Variants in KCNQ1OT1 observed in about 807,000 individuals in gnomAD.
The protein encoded by KCNQ1OT1 is KCNQ1 antisense RNA 2 (non-protein coding).
At position 2,658,892 on chromosome 11, in the gene KCNQ1OT1, G is replaced by C; in HGVS notation, n.41103C>G. 1 of 398,098 alleles carries C rather than the reference G, an allele frequency of 2.5e-6. No individual in the cohort carries two copies. The allele number at this position is 398,098 out of a possible 1,614,324, so 24.7% of individuals were successfully genotyped here. On this transcript the variant is annotated non_coding_transcript_exon_variant, in exon 1 of 1. Coordinates refer to ENST00000597346, the Ensembl canonical transcript of KCNQ1OT1. The surrounding 1 kb of genome is among the most constrained non-coding windows in gnomAD (Gnocchi z 4.9). ...ATTTACTTATTTGTGTAACCCTATTGTACACGTAGTACCCTATGTGAAGCA... is the reference window on the plus strand; with the variant it reads ...ATTTACTTATTTGTGTAACCCTATTCTACACGTAGTACCCTATGTGAAGCA...
chr11:2,616,550 C>G (rs1181949565), exon 1 of KCNQ1OT1: 3 of 397,940 alleles, frequency 7.5e-6, no homozygotes, highest in Non-Finnish European at 1.3e-5. Flanking sequence ...CTGAGCACTT[C>G]TTTCACTACA....
In KCNQ1OT1 at chr11:2,612,851, T is replaced by G; in HGVS notation, n.87144A>C. The G allele has an allele frequency of 2.5e-6, 1 of 398,622 alleles. No individual in the cohort carries two copies. Among genetic ancestry groups the G allele is most frequent in the Non-Finnish European group, 4.4e-6 (1 of 226,058 alleles). The allele number at this position is 398,622 out of a possible 1,614,324, so 24.7% of individuals were successfully genotyped here. On this transcript the variant is annotated non_coding_transcript_exon_variant, in exon 1 of 1. Transcript: ENST00000597346. The surrounding 1 kb of genome is among the most constrained non-coding windows in gnomAD (Gnocchi z 5.5). ...ACTTTAGATAATATATCGTAGAAACTCTGGATTCTAGTTCTTCTCCCTAAC... is the reference window on the plus strand; with the variant it reads ...ACTTTAGATAATATATCGTAGAAACGCTGGATTCTAGTTCTTCTCCCTAAC...
At chr11:2,680,109 C>T in exon 1 of KCNQ1OT1, 1 of 395,172 alleles carries the variant, frequency 2.5e-6, no homozygotes, top group Non-Finnish European at 4.4e-6. Context: ...CCAGGCTGGT[C>T]TCAAACTCCT....
rs1850330062 is a variant in KCNQ1OT1, at chr11:2,678,406, T to C, written n.21589A>G. 5.0e-6 allele frequency: 2 copies of C among 398,516 alleles called. No individual in the cohort carries two copies. Among genetic ancestry groups the C allele is most frequent in the Admixed American group, 4.4e-5 (1 of 22,726 alleles). 24.7% of individuals were successfully genotyped at this position (398,516 alleles called of 1,614,324 possible). ...GGTTTCCCATATATTTGTCCAGTTG[T>C]CCAACACTATTTATTTGAGTACATC... On this transcript the variant is annotated non_coding_transcript_exon_variant, in exon 1 of 1. Coordinates refer to ENST00000597346, the Ensembl canonical transcript of KCNQ1OT1. This position sits in a 1 kb window ranked among gnomAD's most constrained non-coding sequence, Gnocchi z 4.9.
rs1849618152 is a variant in KCNQ1OT1 at position 2,643,814 on chromosome 11, G to A, written n.56181C>T. The A allele has an allele frequency of 1.3e-5, 5 of 398,502 alleles. No individual in the cohort carries two copies. In the East Asian group the frequency reaches 1.8e-4, roughly 14 times the overall value. 24.7% of individuals were successfully genotyped at this position (398,502 alleles called of 1,614,324 possible). The stretch of plus-strand genomic sequence containing the variant: ...TAATTCCCTGAGCTTTTACTTTTAA[G>A]GGAAATACTTTATTTCTCCTTCATT... On this transcript the variant is annotated non_coding_transcript_exon_variant, in exon 1 of 1. Transcript: ENST00000597346.
At chr11:2,694,191 C>T in exon 1 of KCNQ1OT1, 1 of 398,676 alleles carries the variant, frequency 2.5e-6, no homozygotes. Context: ...GGGCCAGGGT[C>T]TTTCTCACCG....
chr11:2,630,654 CG>C (rs1849337901), exon 1 of KCNQ1OT1: 1 of 397,960 alleles, frequency 2.5e-6, no homozygotes, highest in Admixed American at 4.4e-5. Context: ...TTAAGTTGCC[CG>C]TATATTTATT....
rs2133888483 is a variant in KCNQ1OT1, at chr11:2,688,003, G to C, written n.11992C>G. On this transcript the variant is annotated non_coding_transcript_exon_variant, in exon 1 of 1. Transcript: ENST00000597346. The stretch of plus-strand genomic sequence containing the variant: ...CTTTGATGTCTCCTCGTGCGAGGGA[G>C]GGGTCAGCACCCCTCTAGGCTTGGG... 7.5e-6 allele frequency: 3 copies of C among 398,734 alleles called. No individual in the cohort carries two copies. In the East Asian group the frequency reaches 1.1e-4, roughly 14 times the overall value. 24.7% of individuals were successfully genotyped at this position (398,734 alleles called of 1,614,324 possible).
chr11:2,659,325 TA>T lies in KCNQ1OT1; in HGVS notation n.40669del, dbSNP rs1849909534. ...TTATGTCCCTGTAGTTTTGTTTTTC[TA>T]GAATGTCCTATAAATGGGATCCTAT... On this transcript the variant is annotated non_coding_transcript_exon_variant, in exon 1 of 1. Transcript: ENST00000597346. This position sits in a 1 kb window ranked among gnomAD's most constrained non-coding sequence, Gnocchi z 4.3. The T allele has an allele frequency of 2.5e-6, 1 of 398,518 alleles. No homozygotes were observed. The highest frequency in any genetic ancestry group is 2.1e-5 in the African/African-American group (1 of 48,642). The allele number at this position is 398,518 out of a possible 1,614,324, so 24.7% of individuals were successfully genotyped here. A position where few individuals can be genotyped will look rare whatever the true frequency, so the allele number is the denominator to read the frequency against.
chr11:2,641,456 T>C, exon 1 of KCNQ1OT1: 1 of 398,414 alleles, frequency 2.5e-6, no homozygotes, highest in Non-Finnish European at 4.4e-6. Context: ...TATCTATCCA[T>C]GTCTTTTGCT....
In KCNQ1OT1 at chr11:2,658,735, G is replaced by C. The variant is rs919409621; in HGVS notation, n.41260C>G. The C allele has an allele frequency of 2.5e-6, 1 of 398,454 alleles. No individual in the cohort carries two copies. Among genetic ancestry groups the C allele is most frequent in the Non-Finnish European group, 4.4e-6 (1 of 226,030 alleles). The allele number at this position is 398,454 out of a possible 1,614,324, so 24.7% of individuals were successfully genotyped here. A position where few individuals can be genotyped will look rare whatever the true frequency, so the allele number is the denominator to read the frequency against. ...AGTACACATACATCTTTACATATCT[G>C]TATCTATATAAAGCTAACCATGAGT... On this transcript the variant is annotated non_coding_transcript_exon_variant, in exon 1 of 1. Transcript: ENST00000597346. This position sits in a 1 kb window ranked among gnomAD's most constrained non-coding sequence, Gnocchi z 4.9.
At chr11:2,655,406 G>A (rs1234849699) in exon 1 of KCNQ1OT1, 1 of 398,566 alleles carries the variant, frequency 2.5e-6, no homozygotes, top group African/African-American at 2.1e-5. Flanking sequence ...AGGATGCTGT[G>A]CTCTTTGTCC....
chr11:2,697,477 A>T, exon 1 of KCNQ1OT1: 1 of 398,606 alleles, frequency 2.5e-6, no homozygotes, highest in Non-Finnish European at 4.4e-6. Context: ...TATCAAGTTT[A>T]CTGAAAAGTT....
In KCNQ1OT1 at chr11:2,624,745, C is replaced by T. The variant is rs1193281304; in HGVS notation, n.75250G>A. 1.3e-5 allele frequency: 5 copies of T among 398,322 alleles called. No homozygotes were observed. The highest frequency in any genetic ancestry group is 4.4e-5 in the Admixed American group (1 of 22,694). 24.7% of individuals were successfully genotyped at this position (398,322 alleles called of 1,614,324 possible). A position where few individuals can be genotyped will look rare whatever the true frequency, so the allele number is the denominator to read the frequency against. ...CCATTAAACAATAATTCCCCAACCC[C>T]CCCACCACCGCCATCTCTTGGAAAC... On this transcript the variant is annotated non_coding_transcript_exon_variant, in exon 1 of 1. Coordinates refer to ENST00000597346, the Ensembl canonical transcript of KCNQ1OT1. The surrounding 1 kb of genome is among the most constrained non-coding windows in gnomAD (Gnocchi z 4.9).
exon 1 of KCNQ1OT1, chr11:2,630,537 T>A (rs1849336312): frequency 2.5e-6 from 1 of 398,216 alleles, no homozygotes; most frequent in African/African-American, 2.1e-5. Context: ...ATATTGCATA[T>A]CCATTGAGAA....
chr11:2,662,761 C>T (rs1362051279), exon 1 of KCNQ1OT1: 9 of 399,166 alleles, frequency 2.3e-5, no homozygotes, highest in Admixed American at 2.2e-4. Context: ...GCTGCTAACC[C>T]GTTGGGGATT....
In KCNQ1OT1 at chr11:2,678,677, T is replaced by A. The variant is rs947643981; in HGVS notation, n.21318A>T. On this transcript the variant is annotated non_coding_transcript_exon_variant, in exon 1 of 1. Coordinates refer to ENST00000597346, the Ensembl canonical transcript of KCNQ1OT1. The surrounding 1 kb of genome is among the most constrained non-coding windows in gnomAD (Gnocchi z 4.9). ...AAATGCAGTCAACCAGGGGAATTCA[T>A]GGCATGGCCTAAGATCTAAACACTC... The A allele has an allele frequency of 2.5e-6, 1 of 398,550 alleles. No homozygotes were observed. Among genetic ancestry groups the A allele is most frequent in the Admixed American group, 4.4e-5 (1 of 22,724 alleles). 24.7% of individuals were successfully genotyped at this position (398,550 alleles called of 1,614,324 possible).
exon 1 of KCNQ1OT1, chr11:2,622,710 A>G (rs1174574397): frequency 2.5e-6 from 1 of 398,310 alleles, no homozygotes; most frequent in African/African-American, 2.1e-5. Flanking sequence ...GTGTATGTGT[A>G]TTTTAAAGAC....
At chr11:2,636,509 C>A (rs1006927205) in exon 1 of KCNQ1OT1, 2 of 152,158 alleles carry the variant, frequency 1.3e-5, no homozygotes, top group Non-Finnish European at 2.9e-5. Context: ...ATATGTTGAA[C>A]CAGCCTTGCA....
Sources: allele counts gnomAD v4.1 joint callset, GRCh38; gene constraint gnomAD v4.1.1; non-coding constraint Gnocchi (gnomAD v3.1); transcripts MANE v1.5; gene names NCBI Gene and HGNC (gene_info 2026-07-23, HGNC 2026-07-21).